ZNF268: variants seen among roughly 807,000 people sequenced by gnomAD.
ZNF268 encodes the protein zinc finger protein 268.
Under a neutral mutation model 29.3 loss-of-function variants are expected in ZNF268, and 20 were observed. That is an observed-to-expected ratio of 0.68 (90% CI 0.48 to 0.99). ZNF268 has a LOEUF of 0.99. Ranked by LOEUF, ZNF268 falls within the 50% of genes least tolerant of loss-of-function variation. The probability of loss-of-function intolerance (pLI) is 0.00; values close to 1 mark genes in which losing one functional copy is unlikely to be tolerated. For synonymous variants in ZNF268, 429 were observed against 376.9 expected, an observed-to-expected ratio of 1.14 and a Z score of -1.60; for missense variants, 1,240 against 1,121.6, an observed-to-expected ratio of 1.11 and a Z score of -1.51.
At chr12:133,192,850 A>G (rs1394412858) in intron 5 of ZNF268, among the ~76,000 whole-genome samples, 1 of 152,154 alleles carries the variant, frequency 6.6e-6, no homozygotes, top group African/African-American at 2.4e-5. Flanking sequence ...TTGTAGATAC[A>G]GGGTTTCACC....
At chr12:133,181,766 G>A (rs1956181888) in intron 1 of ZNF268, 80 bp downstream of exon 1, 3 of 562,886 alleles carry the variant, frequency 5.3e-6, no homozygotes, top group Non-Finnish European at 9.6e-6. Flanking sequence ...GCTGACCCGG[G>A]GCGGTTGCCT....
At chr12:133,199,440 G>A (rs1956696697) in intron 5 of ZNF268, among the ~76,000 whole-genome samples, 2 of 151,306 alleles carry the variant, frequency 1.3e-5, no homozygotes, top group African/African-American at 4.8e-5. Flanking sequence ...CGGTTTGCCA[G>A]TATTTTATTG....
intron 3 of ZNF268, among the ~76,000 whole-genome samples, chr12:133,190,025 G>C (rs1956427465): frequency 6.6e-6 from 1 of 152,038 alleles, no homozygotes; most frequent in South Asian, 2.1e-4. Flanking sequence ...AGCCAGGATG[G>C]TCTCGTTCTC....
In ZNF268 at chr12:133,208,455, C is replaced by T. The variant is rs879628142; in HGVS notation, c.*3925C>T. ...CAGTTGCAGTGAGCCAAGATTGCACCACTGCACTCCAGGCTGGGCGACAGA... is the reference window on the plus strand; with the variant it reads ...CAGTTGCAGTGAGCCAAGATTGCACTACTGCACTCCAGGCTGGGCGACAGA... On this transcript the variant is annotated 3_prime_UTR_variant, in exon 6 of 6. Coordinates refer to ENST00000536435, the MANE Select transcript of ZNF268 (RefSeq NM_003415.3). The T allele has an allele frequency of 1.3e-5, 2 of 152,138 alleles. No individual in the cohort carries two copies. Among genetic ancestry groups the T allele is most frequent in the Non-Finnish European group, 2.9e-5 (2 of 68,112 alleles). 9.4% of individuals were successfully genotyped at this position (152,138 alleles called of 1,614,324 possible).
chr12:133,192,109 T>A (rs1956490843), intron 5 of ZNF268, 106 bp downstream of exon 5: 7 of 207,858 alleles, frequency 3.4e-5, no homozygotes, highest in Non-Finnish European at 5.3e-5. Flanking sequence ...ACCATGCACT[T>A]TTTTTTTTTT....
rs1429540039 is a variant in ZNF268, at chr12:133,203,937, C to G, written c.2251C>G (p.Pro751Ala). 3.1e-6 allele frequency: 5 copies of G among 1,593,538 alleles called. No homozygotes were observed. Among genetic ancestry groups the G allele is most frequent in the African/African-American group, 1.3e-5 (1 of 74,234 alleles). ...TCAGAGAATTCACACAGGAGAAAATCCCTATGAATGCAGTGAATGTGGGAA... is the reference window on the plus strand; with the variant it reads ...TCAGAGAATTCACACAGGAGAAAATGCCTATGAATGCAGTGAATGTGGGAA... Reference protein sequence around the residue: ...VHQRIHTGENPYECSECGKAF... With the variant: ...VHQRIHTGENAYECSECGKAF... Residue 751 changes from proline to alanine, a missense_variant, in exon 6 of 6, where the codon CCC becomes GCC. Transcript: ENST00000536435.
At chr12:133,200,431 G>T (rs1956725467) in intron 5 of ZNF268, among the ~76,000 whole-genome samples, 1 of 152,184 alleles carries the variant, frequency 6.6e-6, no homozygotes, top group Non-Finnish European at 1.5e-5. Context: ...ATTTGCTGAG[G>T]AGAGCTTTAC....
At position 133,210,777 on chromosome 12, in the gene ZNF268, A is replaced by G. The variant is rs1245689527; in HGVS notation, c.*6247A>G. 4.4e-6 allele frequency: 2 copies of G among 453,680 alleles called. No homozygotes were observed. Among genetic ancestry groups the G allele is most frequent in the African/African-American group, 4.0e-5 (2 of 50,018 alleles). The allele number at this position is 453,680 out of a possible 1,614,324, so 28.1% of individuals were successfully genotyped here. A position where few individuals can be genotyped will look rare whatever the true frequency, so the allele number is the denominator to read the frequency against. ...TGTGATGCAGCCTCTAGTGATCCCC[A>G]GGTCCTGAGTAGAAGGAAGGCCTGG... On this transcript the variant is annotated 3_prime_UTR_variant, in exon 6 of 6. Coordinates refer to ENST00000536435, the MANE Select transcript of ZNF268 (RefSeq NM_003415.3).
intron 4 of ZNF268, 33 bp from the exon 5 acceptor site, chr12:133,191,875 G>C: frequency 2.5e-6 from 4 of 1,601,596 alleles, no homozygotes; most frequent in Non-Finnish European, 3.4e-6. Context: ...CAAGCTGTTT[G>C]TTCCAGGTTG....
chr12:133,185,183 CA>C (rs534300830), intron 2 of ZNF268, among the ~76,000 whole-genome samples: 4,031 of 87,926 alleles, frequency 0.046, 135 homozygotes, highest in African/African-American at 0.16. Flanking sequence ...GACTCTGTCT[CA>C]AAAAAAAAAA....
At position 133,206,002 on chromosome 12, in the gene ZNF268, A is replaced by G. The variant is rs1223907897; in HGVS notation, c.*1472A>G. The G allele has an allele frequency of 2.0e-5, 3 of 152,220 alleles. No homozygotes were observed. Among genetic ancestry groups the G allele is most frequent in the Admixed American group, 6.5e-5 (1 of 15,282 alleles). 9.4% of individuals were successfully genotyped at this position (152,220 alleles called of 1,614,324 possible). ...AGAGGTTCCCAGAACAGCTTTTGTT[A>G]CTGTCATTTTCTTAACTTTGTTCAC... On this transcript the variant is annotated 3_prime_UTR_variant, in exon 6 of 6. Coordinates refer to ENST00000536435, the MANE Select transcript of ZNF268 (RefSeq NM_003415.3).
chr12:133,203,881 C>T lies in ZNF268; in HGVS notation c.2195C>T (p.Ser732Phe), dbSNP rs543328816. The change falls in exon 6 of 6, where the codon TCC becomes TTC. Residue 732 changes from serine to phenylalanine, a missense_variant. Physicochemically the swap from Ser to Phe is radical, Grantham distance 155. Transcript: ENST00000536435. ...KPHECRECGKSFSFNSQLIVH... is the reference protein window; with the variant it reads ...KPHECRECGKFFSFNSQLIVH... ...CATGAGTGCAGGGAATGCGGGAAATCCTTTAGTTTCAATTCACAACTCATT... is the reference window on the plus strand; with the variant it reads ...CATGAGTGCAGGGAATGCGGGAAATTCTTTAGTTTCAATTCACAACTCATT... 293 of 1,573,554 alleles carry T rather than the reference C, an allele frequency of 1.9e-4. No individual in the cohort carries two copies. The highest frequency in any genetic ancestry group is 2.4e-4 in the Non-Finnish European group (280 of 1,163,638).
chr12:133,213,446 G>A lies in ZNF268; in HGVS notation c.*8916G>A, dbSNP rs1957013861. 1 of 151,746 alleles carries A rather than the reference G, an allele frequency of 6.6e-6. No individual in the cohort carries two copies. Among genetic ancestry groups the A allele is most frequent in the Non-Finnish European group, 1.5e-5 (1 of 67,980 alleles). The allele number at this position is 151,746 out of a possible 1,614,324, so 9.4% of individuals were successfully genotyped here. Reference sequence around the variant, plus strand: ...CGCCTGTAATTCCAGCACTTTGGGAGGCCAAGGTGGGAGGATCACTTGAGG... The same window carrying A: ...CGCCTGTAATTCCAGCACTTTGGGAAGCCAAGGTGGGAGGATCACTTGAGG... On this transcript the variant is annotated 3_prime_UTR_variant, in exon 6 of 6. Coordinates refer to ENST00000536435, the MANE Select transcript of ZNF268 (RefSeq NM_003415.3).
At position 133,191,918 on chromosome 12, in the gene ZNF268, C is replaced by T. The variant is rs1956484950; in HGVS notation, c.372C>T (p.His124=). The T allele has an allele frequency of 1.2e-6, 2 of 1,614,090 alleles. No homozygotes were observed. The highest frequency in any genetic ancestry group is 8.5e-7 in the Non-Finnish European group (1 of 1,179,984). ...TTTTTCTATTTATAGGGTACCAACA[C>T]ACCAAACCTGATATCATCTTCAAGT... ...YSNLVSLGYQ[H]TKPDIIFKLE... is the part of the protein sequence containing the mutation. Residue 124 remains histidine (H), a synonymous_variant, in exon 5 of 6, where the codon CAC becomes CAT. Coordinates refer to ENST00000536435, the MANE Select transcript of ZNF268 (RefSeq NM_003415.3).
At chr12:133,192,795 G>A (rs1335614233) in intron 5 of ZNF268, among the ~76,000 whole-genome samples, 2 of 151,968 alleles carry the variant, frequency 1.3e-5, no homozygotes, top group Non-Finnish European at 2.9e-5. Flanking sequence ...AAGTAGCTGG[G>A]ACTACAGGCA....
At chr12:133,190,747 C>T (rs1593889005) in intron 3 of ZNF268, among the ~76,000 whole-genome samples, 1 of 152,284 alleles carries the variant, frequency 6.6e-6, no homozygotes, top group East Asian at 1.9e-4. Flanking sequence ...TTCCTTCTTC[C>T]TTTGTGCCTA....
rs904404045 is a variant in ZNF268 at position 133,206,809 on chromosome 12, A to G, written c.*2279A>G. 1 of 152,238 alleles carries G rather than the reference A, an allele frequency of 6.6e-6. No individual in the cohort carries two copies. The highest frequency in any genetic ancestry group is 1.5e-5 in the Non-Finnish European group (1 of 68,046). The allele number at this position is 152,238 out of a possible 1,614,324, so 9.4% of individuals were successfully genotyped here. A position where few individuals can be genotyped will look rare whatever the true frequency, so the allele number is the denominator to read the frequency against. On this transcript the variant is annotated 3_prime_UTR_variant, in exon 6 of 6. Coordinates refer to ENST00000536435, the MANE Select transcript of ZNF268 (RefSeq NM_003415.3). The stretch of plus-strand genomic sequence containing the variant: ...AGGGAAGGGACATCTTACATAAACA[A>G]ATAATCGCAGATACTTGCTAAAGTG...
chr12:133,184,242 C>T (rs1202073319), intron 2 of ZNF268, among the ~76,000 whole-genome samples: 1 of 151,978 alleles, frequency 6.6e-6, no homozygotes, highest in African/African-American at 2.4e-5. Context: ...AATAGGACTA[C>T]AGGCGTGTGC....
intron 3 of ZNF268, among the ~76,000 whole-genome samples, chr12:133,189,554 T>A (rs941948345): frequency 6.6e-6 from 1 of 152,160 alleles, no homozygotes; most frequent in Non-Finnish European, 1.5e-5. Flanking sequence ...ATTGCTGTTA[T>A]ATAGGCATAT....
Sources: gnomAD v4.1 joint callset for allele counts (sites outside exome capture counted in the v4.1 genomes callset) on GRCh38, gnomAD v4.1.1 for gene constraint, MANE v1.5 for transcripts, NCBI Gene and HGNC (gene_info 2026-07-23, HGNC 2026-07-21) for gene names.